DGKB: variants seen among roughly 807,000 people sequenced by gnomAD.
The protein encoded by DGKB is 90 kDa diacylglycerol kinase.
Under a neutral mutation model 114.3 loss-of-function variants are expected in DGKB, and 67 were observed. The ratio of observed to expected loss-of-function variants is 0.59; its 90% CI spans 0.48 to 0.72. The LOEUF (loss-of-function observed/expected upper bound fraction) is 0.72. Ranked by LOEUF, DGKB falls within the 30% of genes least tolerant of loss-of-function variation. The pLI is 0.00. For synonymous variants in DGKB, 398 were observed against 323.1 expected, an observed-to-expected ratio of 1.23 and a Z score of -2.49; for missense variants, 907 against 975.2, an observed-to-expected ratio of 0.93 and a Z score of 0.93.
At chr7:14,540,387 T>C (rs1793227305) in intron 20 of DGKB, among the ~76,000 whole-genome samples, 2 of 152,124 alleles carry the variant, frequency 1.3e-5, no homozygotes, top group African/African-American at 2.4e-5. Context: ...AGAGAGGTGA[T>C]TGTGCTTTGT....
intron 23 of DGKB, among the ~76,000 whole-genome samples, chr7:14,310,618 C>A (rs545661505): frequency 3.4e-4 from 52 of 152,248 alleles, no homozygotes; most frequent in African/African-American, 1.2e-3. Flanking sequence ...TATCTTTTGC[C>A]CAGTTTCTAG....
At chr7:14,943,945 T>C (rs1228254957) in intron 1 of DGKB, among the ~76,000 whole-genome samples, 1 of 151,896 alleles carries the variant, frequency 6.6e-6, no homozygotes, top group Non-Finnish European at 1.5e-5. Context: ...CTTAACTCAC[T>C]ACCCTACGAG....
At chr7:14,545,330 G>A (rs370069131) in intron 20 of DGKB, among the ~76,000 whole-genome samples, 4 of 152,110 alleles carry the variant, frequency 2.6e-5, no homozygotes, top group African/African-American at 4.8e-5. Context: ...ATGAGTGTTC[G>A]ACCATGTTCC....
At chr7:14,454,073 T>A (rs1388237902) in intron 21 of DGKB, among the ~76,000 whole-genome samples, 2 of 152,144 alleles carry the variant, frequency 1.3e-5, no homozygotes, top group Non-Finnish European at 2.9e-5. Context: ...GACATGTATA[T>A]AATGTGTAAT....
At chr7:14,299,124 G>A (rs1262811647) in intron 23 of DGKB, among the ~76,000 whole-genome samples, 2 of 151,798 alleles carry the variant, frequency 1.3e-5, no homozygotes, top group East Asian at 3.9e-4. Flanking sequence ...ATACTTTAAT[G>A]TTATTTTATA....
chr7:14,669,433 C>A (rs1363803762), intron 13 of DGKB, among the ~76,000 whole-genome samples: 4 of 152,150 alleles, frequency 2.6e-5, no homozygotes, highest in Admixed American at 1.3e-4. Flanking sequence ...GCCTCAGAAT[C>A]TGTTGGTGAA....
rs116721145 is a variant in DGKB at position 14,184,357 on chromosome 7, C to A, written c.2123-6206G>T. ...TCCACAGGCAGGGGAAGAACCAAGA[C>A]CTTTTCTTTCGCAGTTGGGAGGTGA... On this transcript the variant is annotated intron_variant, in intron 23 of 25. Transcript: ENST00000402815. Among the ~76,000 whole-genome samples the A allele has an allele frequency of 2.5e-3, 383 of 152,274 alleles. 1 individual carries two copies. The highest frequency in any genetic ancestry group is 8.7e-3 in the African/African-American group (361 of 41,550).
intron 23 of DGKB, among the ~76,000 whole-genome samples, chr7:14,197,345 A>G (rs762306969): frequency 1.3e-5 from 2 of 152,080 alleles, no homozygotes; most frequent in South Asian, 2.1e-4. Context: ...CCTTCATACA[A>G]CAGAACAAAA....
intron 2 of DGKB, among the ~76,000 whole-genome samples, chr7:14,760,798 G>C (rs66726862): frequency 6.6e-6 from 1 of 152,018 alleles, no homozygotes; most frequent in South Asian, 2.1e-4. Flanking sequence ...GTTTCTATGA[G>C]AGTAAAAAAC....
At chr7:14,272,958 T>C (rs147886142) in intron 23 of DGKB, among the ~76,000 whole-genome samples, 4 of 152,180 alleles carry the variant, frequency 2.6e-5, no homozygotes, top group African/African-American at 2.4e-5. Context: ...AGTGAAAGGA[T>C]GCACCTAATA....
At chr7:14,899,052 G>T (rs1365853962) in intron 1 of DGKB, among the ~76,000 whole-genome samples, 2 of 152,016 alleles carry the variant, frequency 1.3e-5, no homozygotes, top group African/African-American at 2.4e-5. Flanking sequence ...TTGGCTCTAC[G>T]CCCATAACAT....
intron 2 of DGKB, among the ~76,000 whole-genome samples, chr7:14,832,208 C>T (rs961203890): frequency 6.6e-6 from 1 of 151,972 alleles, no homozygotes; most frequent in African/African-American, 2.4e-5. Flanking sequence ...ACGGCCAAAA[C>T]TAACAAGTTA....
At chr7:14,673,816 C>T (rs1819405690) in intron 12 of DGKB, among the ~76,000 whole-genome samples, 1 of 151,960 alleles carries the variant, frequency 6.6e-6, no homozygotes, top group Non-Finnish European at 1.5e-5. Context: ...TTGAGGGCAT[C>T]TAGAGATTTC....
intron 2 of DGKB, among the ~76,000 whole-genome samples, chr7:14,819,078 G>C (rs768152741): frequency 1.3e-5 from 2 of 152,036 alleles, no homozygotes; most frequent in African/African-American, 2.4e-5. Flanking sequence ...TTTTCTCTTA[G>C]TCTACGCCCT....
At chr7:14,341,839 T>C (rs945980771) in intron 22 of DGKB, among the ~76,000 whole-genome samples, 2 of 151,754 alleles carry the variant, frequency 1.3e-5, no homozygotes, top group African/African-American at 4.8e-5. Context: ...ATTCAAAACA[T>C]GTGAAGAACT....
intron 1 of DGKB, among the ~76,000 whole-genome samples, chr7:14,952,768 A>G (rs1474529596): frequency 2.0e-5 from 3 of 152,082 alleles, no homozygotes; most frequent in Admixed American, 6.6e-5. Context: ...CAAAATCAAC[A>G]AAAATAAAAT....
intron 1 of DGKB, among the ~76,000 whole-genome samples, chr7:14,948,076 T>C (rs1324785164): frequency 6.6e-6 from 1 of 151,752 alleles, no homozygotes; most frequent in Non-Finnish European, 1.5e-5. Context: ...TTTATTTTCC[T>C]TATCTGAAGG....
chr7:14,538,524 A>T (rs2128612730), intron 20 of DGKB, among the ~76,000 whole-genome samples: 1 of 152,192 alleles, frequency 6.6e-6, no homozygotes, highest in East Asian at 1.9e-4. Context: ...GAATGCTTGT[A>T]TACTTTTGGT....
chr7:14,865,708 A>C (rs1472831647), intron 1 of DGKB, among the ~76,000 whole-genome samples: 1 of 152,160 alleles, frequency 6.6e-6, no homozygotes, highest in Non-Finnish European at 1.5e-5. Context: ...GTGGTAATCC[A>C]GGGTGGAGTT....
Sources: gnomAD v4.1 joint callset for allele counts (sites outside exome capture counted in the v4.1 genomes callset) on GRCh38, gnomAD v4.1.1 for gene constraint, MANE v1.5 for transcripts, NCBI Gene and HGNC (gene_info 2026-07-23, HGNC 2026-07-21) for gene names.